UTRN: variants seen among roughly 807,000 people sequenced by gnomAD.
The protein encoded by UTRN is utrophin, also known as dystrophin-related protein 1.
A neutral mutation model predicts 463.9 loss-of-function variants in UTRN; 283 were observed. The ratio of observed to expected loss-of-function variants is 0.61; its 90% CI spans 0.55 to 0.67. UTRN has a LOEUF of 0.67. Among genes scored for constraint, UTRN ranks in the 30% least tolerant of loss-of-function variants. The pLI is 0.00. For missense variants in UTRN, 3,922 were observed against 4,084.3 expected, an observed-to-expected ratio of 0.96 and a Z score of 1.08; for synonymous variants, 1,442 against 1,431.5, an observed-to-expected ratio of 1.01 and a Z score of -0.17.
chr6:144,394,621 G>C (rs1782233836), intron 2 of UTRN, among the ~76,000 whole-genome samples: 1 of 152,132 alleles, frequency 6.6e-6, no homozygotes, highest in Non-Finnish European at 1.5e-5. Context: ...GGCATACAGT[G>C]AAAGGTTTCC....
chr6:144,708,470 C>T (rs768418133), intron 53 of UTRN: 6 of 579,588 alleles, frequency 1.0e-5, no homozygotes, highest in Non-Finnish European at 1.8e-5. Context: ...CTCCTCACGC[C>T]TTCATCCCCT....
At chr6:144,645,724 A>G (rs1778223168) in intron 51 of UTRN, among the ~76,000 whole-genome samples, 1 of 152,172 alleles carries the variant, frequency 6.6e-6, no homozygotes, top group African/African-American at 2.4e-5. Context: ...AGGAGAACAA[A>G]TTTTAAAAGT....
At chr6:144,840,686 A>G in intron 72 of UTRN, 54 bp from the exon 73 acceptor site, 1 of 1,592,544 alleles carries the variant, frequency 6.3e-7, no homozygotes, top group Non-Finnish European at 8.6e-7. Context: ...GTTTTAGTGG[A>G]AGGCTAGACA....
chr6:144,551,026 A>C lies in UTRN; in HGVS notation c.6872A>C (p.Gln2291Pro), dbSNP rs1208987235. The change falls in exon 48 of 75, where the codon CAG becomes CCG. Residue 2291 changes from glutamine (Q) to proline (P), a missense_variant. Coordinates refer to ENST00000367545, the MANE Select transcript of UTRN (RefSeq NM_007124.3). The part of the protein sequence containing the change: ...PQLDYVFTLA[Q>P]NLKNKASSSD... ...CTGGATTATGTTTTTACATTGGCAC[A>C]GAATTTGAAAAATAAAGCTTCCAGT... 6.2e-7 allele frequency: 1 copy of C among 1,612,398 alleles called. No homozygotes were observed. Among genetic ancestry groups the C allele is most frequent in the Non-Finnish European group, 8.5e-7 (1 of 1,179,602 alleles).
chr6:144,290,357 A>G (rs578259057), intron 1 of UTRN, among the ~76,000 whole-genome samples: 1 of 152,236 alleles, frequency 6.6e-6, no homozygotes, highest in East Asian at 1.9e-4. Context: ...CCCCTCTCCC[A>G]GGTAATTTTG....
chr6:144,375,107 A>T (rs1441520977), intron 2 of UTRN, among the ~76,000 whole-genome samples: 2 of 152,188 alleles, frequency 1.3e-5, no homozygotes, highest in African/African-American at 2.4e-5. Flanking sequence ...CTAGTAGTGC[A>T]CTATGCTAAC....
At chr6:144,632,757 T>C (rs1431720849) in intron 51 of UTRN, among the ~76,000 whole-genome samples, 1 of 151,988 alleles carries the variant, frequency 6.6e-6, no homozygotes, top group African/African-American at 2.4e-5. Flanking sequence ...GTTTTGCTCT[T>C]GTTGCCTAGG....
rs182211995 is a variant in UTRN at position 144,575,993 on chromosome 6, A to G, written c.7290-1106A>G. 4.6e-5 allele frequency among the ~76,000 whole-genome samples: 7 copies of G among 152,318 alleles called. No homozygotes were observed. In the East Asian group the frequency reaches 1.4e-3, roughly 29 times the overall value. On this transcript the variant is annotated intron_variant, in intron 50 of 74. Coordinates refer to ENST00000367545, the MANE Select transcript of UTRN (RefSeq NM_007124.3). ...AATTTACCTATTTTGGAAATTTTGT[A>G]TAAATGGAATTTCACCATATCTGGC... is the stretch of plus-strand genomic sequence containing the variant.
chr6:144,512,342 T>C (rs911737213), intron 35 of UTRN, among the ~76,000 whole-genome samples: 5 of 152,154 alleles, frequency 3.3e-5, no homozygotes, highest in Non-Finnish European at 1.5e-5. Context: ...ATTCAAGCAG[T>C]ATCTTTCTAG....
At chr6:144,367,128 C>T (rs1026655535) in intron 2 of UTRN, among the ~76,000 whole-genome samples, 5 of 152,072 alleles carry the variant, frequency 3.3e-5, no homozygotes, top group Admixed American at 6.6e-5. Context: ...GGACTACAGG[C>T]GCGTGCCATC....
intron 2 of UTRN, among the ~76,000 whole-genome samples, chr6:144,335,718 CATAA>C (rs1426070280): frequency 1.3e-5 from 2 of 152,162 alleles, no homozygotes; most frequent in Non-Finnish European, 2.9e-5. Context: ...TCTCGTGGCT[CATAA>C]ATAAACTCTC....
At chr6:144,406,842 G>A (rs569426655) in intron 3 of UTRN, among the ~76,000 whole-genome samples, 1 of 152,122 alleles carries the variant, frequency 6.6e-6, no homozygotes, top group Admixed American at 6.5e-5. Flanking sequence ...GTCTTACTTG[G>A]TTCTTAAAGC....
intron 2 of UTRN, among the ~76,000 whole-genome samples, chr6:144,300,095 T>TG (rs1437297322): frequency 6.6e-6 from 1 of 152,000 alleles, no homozygotes; most frequent in African/African-American, 2.4e-5. Flanking sequence ...GATTTTTTTT[T>TG]TTTTTTGAGC....
At chr6:144,413,733 A>G (rs765640355) in intron 3 of UTRN, among the ~76,000 whole-genome samples, 2 of 152,204 alleles carry the variant, frequency 1.3e-5, no homozygotes, top group Non-Finnish European at 2.9e-5. Flanking sequence ...TGTACAGTAC[A>G]TAATACTTGG....
chr6:144,557,314 A>G lies in UTRN; in HGVS notation c.7289+3A>G. ...TCATGGATCAATCTCAAACAAAGGTAAGTCTAAGGCCCTGGCAGGTAAATG... is the reference window on the plus strand; with the variant it reads ...TCATGGATCAATCTCAAACAAAGGTGAGTCTAAGGCCCTGGCAGGTAAATG... On this transcript the variant is annotated splice_donor_region_variant and intron_variant, in intron 50 of 74. Transcript: ENST00000367545. The G allele has an allele frequency of 6.2e-7, 1 of 1,612,660 alleles. No individual in the cohort carries two copies. The highest frequency in any genetic ancestry group is 8.5e-7 in the Non-Finnish European group (1 of 1,179,172).
In UTRN at chr6:144,559,411, CGT is replaced by C. The variant is rs575022062; in HGVS notation, c.7289+2102_7289+2103del. Among the ~76,000 whole-genome samples the C allele has an allele frequency of 1.9e-3, 290 of 152,146 alleles. 1 individual carries two copies. The highest frequency in any genetic ancestry group is 6.6e-3 in the African/African-American group (275 of 41,510). The stretch of plus-strand genomic sequence containing the variant: ...GCAAAACTGGCTCATAGGATCCCTT[CGT>C]GAATGATAACTAGGGCTTCTATATG... On this transcript the variant is annotated intron_variant, in intron 50 of 74. Transcript: ENST00000367545.
intron 2 of UTRN, among the ~76,000 whole-genome samples, chr6:144,396,734 G>T (rs1459373709): frequency 6.6e-6 from 1 of 152,126 alleles, no homozygotes; most frequent in African/African-American, 2.4e-5. Flanking sequence ...AGGCAGTCTT[G>T]TGAGTAGGAG....
Position 144,820,949 on chromosome 6 carries a change from A to ACCT in UTRN, c.9426_9427insCTC (p.Tyr3142_Phe3143insLeu). 1 of 1,613,956 alleles carries ACCT rather than the reference A, an allele frequency of 6.2e-7. No individual in the cohort carries two copies. Among genetic ancestry groups the ACCT allele is most frequent in the South Asian group, 1.1e-5 (1 of 91,076 alleles). ...AAGAACAAGTTCAGGTCGAAGAAGTACTTTGCCAAACACCCTCGACTTGGT... is the reference window on the plus strand; with the variant it reads ...AAGAACAAGTTCAGGTCGAAGAAGTACCTCTTTGCCAAACACCCTCGACTTGGT... On this transcript the variant is annotated inframe_insertion, in exon 66 of 75. Transcript: ENST00000367545.
At chr6:144,838,825 T>C (rs1194507044) in intron 71 of UTRN, among the ~76,000 whole-genome samples, 1 of 152,204 alleles carries the variant, frequency 6.6e-6, no homozygotes, top group Non-Finnish European at 1.5e-5. Flanking sequence ...ATTTTGAAAT[T>C]GGATAAATTT....
Sources: allele counts gnomAD v4.1 joint callset (sites outside exome capture counted in the v4.1 genomes callset), GRCh38; gene constraint gnomAD v4.1.1; transcripts MANE v1.5; gene names NCBI Gene and HGNC (gene_info 2026-07-23, HGNC 2026-07-21).